THSD4: variants seen among roughly 807,000 people sequenced by gnomAD.
THSD4 encodes the protein thrombospondin type 1 domain containing 4, also known as thrombospondin type-1 domain-containing protein 4.
THSD4 carries 69 observed loss-of-function variants against 119.0 expected under a neutral mutation model. The observed-to-expected ratio is 0.58, with a 90% CI of 0.48 to 0.71. The LOEUF (loss-of-function observed/expected upper bound fraction) is 0.71, where lower values mean the gene tolerates loss of function less well. THSD4 is among the 30% of genes least tolerant of loss of function. The probability of loss-of-function intolerance (pLI) is 0.00; values close to 1 mark genes in which losing one functional copy is unlikely to be tolerated. For missense variants in THSD4, 1,393 were observed against 1,391.1 expected, an observed-to-expected ratio of 1.00 and a Z score of -0.02; for synonymous variants, 524 against 540.4, an observed-to-expected ratio of 0.97 and a Z score of 0.42.
intron 6 of THSD4, among the ~76,000 whole-genome samples, chr15:71,271,078 C>G (rs2044523591): frequency 6.6e-6 from 1 of 151,994 alleles, no homozygotes; most frequent in East Asian, 1.9e-4. Flanking sequence ...TCTCTGCAAG[C>G]TTTTATAAAA....
At chr15:71,742,199 A>G (rs924314203) in intron 11 of THSD4, among the ~76,000 whole-genome samples, 2 of 152,180 alleles carry the variant, frequency 1.3e-5, no homozygotes, top group Admixed American at 6.5e-5. Flanking sequence ...CACACCACAC[A>G]GTTCTGTGCT....
chr15:71,406,930 C>T (rs1372848601), intron 6 of THSD4, among the ~76,000 whole-genome samples: 2 of 152,150 alleles, frequency 1.3e-5, no homozygotes, highest in Non-Finnish European at 2.9e-5. Context: ...GTGATCAGCC[C>T]ACCTTGGCCT....
At chr15:71,627,497 AG>A (rs1355574967) in intron 7 of THSD4, among the ~76,000 whole-genome samples, 2 of 152,186 alleles carry the variant, frequency 1.3e-5, no homozygotes, top group African/African-American at 4.8e-5. Context: ...TCACTAGATG[AG>A]AAGTAGGTTT....
intron 7 of THSD4, among the ~76,000 whole-genome samples, chr15:71,530,154 G>GC (rs1253699949): frequency 7.4e-6 from 1 of 134,764 alleles, no homozygotes; most frequent in East Asian, 3.3e-4. Context: ...ACCCCTGTTA[G>GC]AAATTATTAT....
intron 6 of THSD4, among the ~76,000 whole-genome samples, chr15:71,399,225 C>A (rs1193623319): frequency 6.6e-6 from 1 of 152,174 alleles, no homozygotes; most frequent in African/African-American, 2.4e-5. Flanking sequence ...GACCAAGTCA[C>A]TAAGCTTGTG....
intron 7 of THSD4, among the ~76,000 whole-genome samples, chr15:71,530,888 G>A (rs1247271758): frequency 1.3e-5 from 2 of 151,042 alleles, no homozygotes; most frequent in African/African-American, 4.9e-5. Flanking sequence ...TGCTGTGGAT[G>A]AGGAAGGGGG....
At chr15:71,280,887 T>C (rs1264260745) in intron 6 of THSD4, among the ~76,000 whole-genome samples, 2 of 152,228 alleles carry the variant, frequency 1.3e-5, no homozygotes, top group African/African-American at 4.8e-5. Context: ...AAATTTGATC[T>C]TCAACTCTCA....
At chr15:71,464,527 G>C (rs1938742457) in intron 7 of THSD4, among the ~76,000 whole-genome samples, 1 of 152,092 alleles carries the variant, frequency 6.6e-6, no homozygotes, top group East Asian at 1.9e-4. Context: ...CTGTGTCTTG[G>C]TTTGCAGCTC....
chr15:71,323,791 C>G (rs1344163156), intron 6 of THSD4, among the ~76,000 whole-genome samples: 1 of 152,150 alleles, frequency 6.6e-6, no homozygotes, highest in Non-Finnish European at 1.5e-5. Flanking sequence ...ATGGTAGCAA[C>G]TTTAGAGAAT....
At chr15:71,104,315 T>G (rs2040265197) in intron 1 of THSD4, among the ~76,000 whole-genome samples, 1 of 150,288 alleles carries the variant, frequency 6.7e-6, no homozygotes, top group Non-Finnish European at 1.5e-5. Flanking sequence ...AACAGACTGT[T>G]TCTCTTCGCT....
At chr15:71,430,629 C>G (rs1005746983) in intron 7 of THSD4, among the ~76,000 whole-genome samples, 1 of 151,712 alleles carries the variant, frequency 6.6e-6, no homozygotes, top group Non-Finnish European at 1.5e-5. Flanking sequence ...TGGTGGTGCC[C>G]GCCTCTAATC....
At chr15:71,561,606 C>T (rs2049118309) in intron 7 of THSD4, among the ~76,000 whole-genome samples, 1 of 152,092 alleles carries the variant, frequency 6.6e-6, no homozygotes, top group African/African-American at 2.4e-5. Flanking sequence ...GGTATACAGT[C>T]AGGAATCCGG....
At chr15:71,251,267 A>T (rs1169885816) in intron 5 of THSD4, among the ~76,000 whole-genome samples, 1 of 152,232 alleles carries the variant, frequency 6.6e-6, no homozygotes, top group East Asian at 1.9e-4. Context: ...CTTAGAACAC[A>T]TACTTTTCAA....
chr15:71,739,383 T>G (rs1051690929), intron 11 of THSD4, among the ~76,000 whole-genome samples: 1 of 152,048 alleles, frequency 6.6e-6, no homozygotes, highest in Admixed American at 6.6e-5. Flanking sequence ...ACAGTTTAGG[T>G]GAAATTTAAA....
intron 7 of THSD4, among the ~76,000 whole-genome samples, chr15:71,531,035 T>C (rs1489546211): frequency 6.6e-6 from 1 of 152,120 alleles, no homozygotes; most frequent in East Asian, 1.9e-4. Context: ...ATCAGAGACC[T>C]GAAGGAGTGG....
intron 3 of THSD4, among the ~76,000 whole-genome samples, chr15:71,196,491 G>A (rs555567937): frequency 3.9e-5 from 6 of 152,252 alleles, no homozygotes; most frequent in Admixed American, 1.3e-4. Flanking sequence ...AACTGACCAG[G>A]TTGGAGGAGT....
At chr15:71,646,840 C>T (rs113990995) in intron 7 of THSD4, among the ~76,000 whole-genome samples, 1 of 152,200 alleles carries the variant, frequency 6.6e-6, no homozygotes. Context: ...GGCTGCAGCC[C>T]TGGGCACTCC....
At chr15:71,395,587 C>G (rs1439237978) in intron 6 of THSD4, among the ~76,000 whole-genome samples, 1 of 152,074 alleles carries the variant, frequency 6.6e-6, no homozygotes, top group Non-Finnish European at 1.5e-5. Context: ...ACAAAAAATA[C>G]AAAATTAGCT....
intron 6 of THSD4, among the ~76,000 whole-genome samples, chr15:71,347,167 C>A (rs2045674910): frequency 6.6e-6 from 1 of 152,118 alleles, no homozygotes; most frequent in Non-Finnish European, 1.5e-5. Flanking sequence ...AGCCACCGTG[C>A]CCGGCTCATT....
Sources: allele counts gnomAD v4.1 joint callset (sites outside exome capture counted in the v4.1 genomes callset), GRCh38; gene constraint gnomAD v4.1.1; transcripts MANE v1.5; gene names NCBI Gene and HGNC (gene_info 2026-07-23, HGNC 2026-07-21).